OTOGL: variants seen among roughly 807,000 people sequenced by gnomAD.
The protein encoded by OTOGL is otogelin-like protein.
Under a neutral mutation model 318.5 loss-of-function variants are expected in OTOGL, and 285 were observed. The ratio of observed to expected loss-of-function variants is 0.89; its 90% CI spans 0.81 to 0.99. OTOGL has a LOEUF of 0.99. Among genes scored for constraint, OTOGL ranks in the 50% least tolerant of loss-of-function variants. OTOGL has a pLI of 0.00. For missense variants in OTOGL, 2,899 were observed against 2,845.6 expected, an observed-to-expected ratio of 1.02 and a Z score of -0.43; for synonymous variants, 987 against 936.5, an observed-to-expected ratio of 1.05 and a Z score of -0.99.
Position 80,210,829 on chromosome 12 carries a change from T to C in OTOGL, c.80-18T>C. 7.0e-7 allele frequency: 1 copy of C among 1,428,210 alleles called. No individual in the cohort carries two copies. Among genetic ancestry groups the C allele is most frequent in the Non-Finnish European group, 9.3e-7 (1 of 1,072,530 alleles). The allele number at this position is 1,428,210 out of a possible 1,614,324, so 88.5% of individuals were successfully genotyped here. On this transcript the variant is annotated intron_variant, in intron 2 of 58. Transcript: ENST00000547103. The stretch of plus-strand genomic sequence containing the variant: ...TTTGGATAATTTTTTTTCATTCTTA[T>C]ATATTTGTCTCTGGCAGAATATATT...
intron 1 of OTOGL, among the ~76,000 whole-genome samples, chr12:80,188,506 C>A (rs1875457222): frequency 6.6e-6 from 1 of 150,854 alleles, no homozygotes; most frequent in Non-Finnish European, 1.5e-5. Flanking sequence ...CCACTGCATT[C>A]CAGCCTGGGC....
At chr12:80,124,697 A>G (rs1870701304) in intron 1 of OTOGL, among the ~76,000 whole-genome samples, 1 of 152,026 alleles carries the variant, frequency 6.6e-6, no homozygotes, top group South Asian at 2.1e-4. Context: ...ATTTGTTTGT[A>G]TCCTCTTTTA....
Position 80,255,046 on chromosome 12 carries a change from G to A in OTOGL, c.1448G>A (p.Cys483Tyr). 1 of 1,441,854 alleles carries A rather than the reference G, an allele frequency of 6.9e-7. No individual in the cohort carries two copies. The highest frequency in any genetic ancestry group is 1.5e-5 in the South Asian group (1 of 65,528). The allele number at this position is 1,441,854 out of a possible 1,614,324, so 89.3% of individuals were successfully genotyped here. Residue 483 changes from cysteine (C) to tyrosine (Y), a missense_variant, in exon 16 of 59, where the codon TGC becomes TAC. This residue lies in a region of OTOGL where 2,607 missense variants were observed against 2,524.9 expected (regional missense o/e 1.03). Transcript: ENST00000547103. ...NCTEQDCPVQ[C>Y]SVVGDSHFTT... ...TTCTTTTTTTTTTTGGCAGTTCAAT[G>A]CTCAGTTGTAGGTGATTCTCACTTT...
intron 4 of OTOGL, among the ~76,000 whole-genome samples, chr12:80,212,954 C>T (rs1189162744): frequency 6.6e-6 from 1 of 152,022 alleles, no homozygotes; most frequent in Admixed American, 6.6e-5. Context: ...GACCCAGATC[C>T]CAAGAGAGGG....
intron 1 of OTOGL, among the ~76,000 whole-genome samples, chr12:80,126,344 G>T (rs560605882): frequency 1.3e-5 from 2 of 152,276 alleles, no homozygotes; most frequent in African/African-American, 4.8e-5. Flanking sequence ...ATGTAGTTGA[G>T]CGGTTTTGAG....
chr12:80,110,067 C>CTTTTTTTTTTT (rs35589524), intron 1 of OTOGL, among the ~76,000 whole-genome samples: 1 of 103,762 alleles, frequency 9.6e-6, no homozygotes, highest in African/African-American at 3.8e-5. Context: ...TTCTTTCTTT[C>CTTTTTTTTTTT]TTTTTTTTTT....
At chr12:80,356,741 A>G (rs539603140) in intron 48 of OTOGL, 66 bp from the exon 49 acceptor site, 2 of 896,560 alleles carry the variant, frequency 2.2e-6, no homozygotes, top group African/African-American at 1.7e-5. Context: ...ATTCAAAGAG[A>G]GGTAAACACT....
At chr12:80,198,611 C>A (rs1208028660) in intron 1 of OTOGL, among the ~76,000 whole-genome samples, 1 of 151,052 alleles carries the variant, frequency 6.6e-6, no homozygotes, top group African/African-American at 2.4e-5. Context: ...ATAATAACAA[C>A]CTGTATCCTT....
chr12:80,239,491 G>A, intron 11 of OTOGL, 52 bp downstream of exon 11: 1 of 1,257,686 alleles, frequency 8.0e-7, no homozygotes, highest in Admixed American at 2.2e-5. Context: ...GCAAAAAGAA[G>A]ACCCACAACT....
At chr12:80,158,439 A>ACAC (rs1873272717) in intron 1 of OTOGL, among the ~76,000 whole-genome samples, 1 of 152,098 alleles carries the variant, frequency 6.6e-6, no homozygotes, top group Non-Finnish European at 1.5e-5. Flanking sequence ...GTGGTCATAC[A>ACAC]GATTTCAGAA....
At chr12:80,357,129 A>T (rs1257018602) in intron 49 of OTOGL, among the ~76,000 whole-genome samples, 1 of 152,238 alleles carries the variant, frequency 6.6e-6, no homozygotes, top group Non-Finnish European at 1.5e-5. Context: ...TACATACATC[A>T]GTCCAAATAT....
intron 38 of OTOGL, among the ~76,000 whole-genome samples, chr12:80,334,342 A>C (rs1040796655): frequency 1.3e-5 from 2 of 152,206 alleles, no homozygotes; most frequent in Non-Finnish European, 2.9e-5. Flanking sequence ...TGGGGAGTGC[A>C]TGTCTGGGAT....
chr12:80,252,029 T>C, intron 12 of OTOGL, 47 bp from the exon 13 acceptor site: 1 of 1,440,606 alleles, frequency 6.9e-7, no homozygotes, highest in South Asian at 1.5e-5. Flanking sequence ...AAAAAAGAAA[T>C]AGAGGCTAAT....
intron 27 of OTOGL, among the ~76,000 whole-genome samples, chr12:80,297,659 T>A (rs1885500550): frequency 6.6e-6 from 1 of 152,102 alleles, no homozygotes; most frequent in African/African-American, 2.4e-5. Context: ...TTGATGGAAA[T>A]CTAATATGTC....
At position 80,320,533 on chromosome 12, in the gene OTOGL, G is replaced by A. The variant is rs369089877; in HGVS notation, c.3914G>A (p.Arg1305Gln). The A allele has an allele frequency of 9.9e-5, 160 of 1,613,412 alleles. No individual in the cohort carries two copies. The highest frequency in any genetic ancestry group is 4.7e-4 in the Admixed American group (28 of 59,894). Reference sequence around the variant, plus strand: ...TGGGAGGCGAATTCAGCCTTTCATCGGAGAGCAACATTTTTCCACCATCAG... The same window carrying A: ...TGGGAGGCGAATTCAGCCTTTCATCAGAGAGCAACATTTTTCCACCATCAG... ...ELWEANSAFH[R>Q]RATFFHHQGL... The change falls in exon 34 of 59, where the codon CGG becomes CAG. Residue 1305 changes from arginine (R) to glutamine (Q), a missense_variant. Arg to Gln is a conservative substitution (Grantham distance 43). Transcript: ENST00000547103.
In OTOGL at chr12:80,333,341, A is replaced by G. The variant is rs184770087; in HGVS notation, c.4422+263A>G. 6.9e-4 allele frequency among the ~76,000 whole-genome samples: 105 copies of G among 151,244 alleles called. 2 individuals carry two copies. The highest frequency in any genetic ancestry group is 1.9e-3 in the African/African-American group (79 of 41,146). ...CTTAATAAAGAGTTATCTAGTATGGATTTATCTGTGAATCAGGCATTCATA... is the reference window on the plus strand; with the variant it reads ...CTTAATAAAGAGTTATCTAGTATGGGTTTATCTGTGAATCAGGCATTCATA... On this transcript the variant is annotated intron_variant, in intron 38 of 58. Coordinates refer to ENST00000547103, the MANE Select transcript of OTOGL (RefSeq NM_001378609.3).
At chr12:80,279,409 C>A (rs371825089) in intron 26 of OTOGL, among the ~76,000 whole-genome samples, 39 of 151,362 alleles carry the variant, frequency 2.6e-4, no homozygotes, top group African/African-American at 9.4e-4. Context: ...TAGCATAGTA[C>A]CCAATAGATA....
intron 19 of OTOGL, 65 bp downstream of exon 19, chr12:80,262,158 A>C: frequency 7.2e-7 from 1 of 1,387,066 alleles, no homozygotes; most frequent in Non-Finnish European, 9.6e-7. Context: ...GTATTACTAT[A>C]ATTTTATAAA....
intron 7 of OTOGL, among the ~76,000 whole-genome samples, chr12:80,222,716 A>G (rs1453692589): frequency 6.6e-6 from 1 of 152,102 alleles, no homozygotes; most frequent in Non-Finnish European, 1.5e-5. Context: ...TTTGCCTACT[A>G]TCTTCTGAAT....
Sources: gnomAD v4.1 joint callset for allele counts (sites outside exome capture counted in the v4.1 genomes callset) on GRCh38, gnomAD v4.1.1 for gene constraint, gnomAD v4.1.1 regional missense constraint, MANE v1.5 for transcripts, NCBI Gene and HGNC (gene_info 2026-07-23, HGNC 2026-07-21) for gene names.